The following PLXND1 variants were observed in gnomAD, a reference collection of about 807,000 sequenced individuals.
PLXND1 encodes the protein plexin D1, also known as plexin-D1.
In PLXND1, 54 loss-of-function variants were observed where a neutral mutation model predicts 197.7. The ratio of observed to expected loss-of-function variants is 0.27; its 90% CI spans 0.22 to 0.34. The LOEUF is 0.34. Among genes scored for constraint, PLXND1 ranks in the 10% least tolerant of loss-of-function variants. The pLI is 1.00. For missense variants in PLXND1, 2,127 were observed against 2,699.2 expected (o/e 0.79, Z 4.70); for synonymous variants, 1,180 against 1,161.2 (o/e 1.02, Z -0.33).
At chr3:129,575,621 G>T in intron 10 of PLXND1, 59 bp from the exon 11 acceptor site, 1 of 1,352,580 alleles carries the variant, frequency 7.4e-7, no homozygotes, top group Non-Finnish European at 1.0e-6. Flanking sequence ...CTCTGCTGGG[G>T]ATGGGTGTCA....
chr3:129,589,515 G>T lies in PLXND1; in HGVS notation c.1324C>A (p.Gln442Lys). The stretch of plus-strand genomic sequence containing the variant: ...AGGTGAGCAGCTCCACAGTCCAGCT[G>T]CTCTGGCTGGAGCTGGAAGAGGAAC... ...RKLNIQLQPE[Q>K]LDCGAAHLQH... is the part of the protein sequence containing the mutation. The change falls in exon 2 of 36, where the codon CAG (glutamine) becomes AAG (lysine). Residue 442 changes from glutamine (Q) to lysine (K), a missense_variant. By Grantham distance (53) the Gln-to-Lys change is moderately conservative. This residue lies in a region of PLXND1 where 1,095 missense variants were observed against 1,259.8 expected (regional missense o/e 0.87). Coordinates refer to ENST00000324093, the MANE Select transcript of PLXND1 (RefSeq NM_015103.3). The T allele has an allele frequency of 6.3e-7, 1 of 1,588,060 alleles. No homozygotes were observed. Among genetic ancestry groups the T allele is most frequent in the South Asian group, 1.1e-5 (1 of 87,768 alleles).
intron 10 of PLXND1, 38 bp from the exon 11 acceptor site, chr3:129,575,600 A>G: frequency 6.9e-7 from 1 of 1,447,518 alleles, no homozygotes; most frequent in Non-Finnish European, 9.5e-7. Flanking sequence ...GGGCATGGGC[A>G]ATGCCTGGGG....
chr3:129,591,094 C>T (rs1488642088), intron 1 of PLXND1, among the ~76,000 whole-genome samples: 1 of 152,168 alleles, frequency 6.6e-6, no homozygotes, highest in Non-Finnish European at 1.5e-5. Context: ...ACAGTTACGG[C>T]CGGATGGGCT....
chr3:129,558,203 A>T lies in PLXND1; in HGVS notation c.5445+225T>A, dbSNP rs1244092344. ...TGCCAGGCACAGCTGCAGCATGTGC[A>T]GTTGGTCTGCAGCGATACAGAGTTT... On this transcript the variant is annotated intron_variant, in intron 33 of 35. Transcript: ENST00000324093. The surrounding 1 kb of genome is among the most constrained non-coding windows in gnomAD (Gnocchi z 4.1). 1.3e-5 allele frequency among the ~76,000 whole-genome samples: 2 copies of T among 152,222 alleles called. No homozygotes were observed. The highest frequency in any genetic ancestry group is 4.8e-5 in the African/African-American group (2 of 41,468).
In PLXND1 at chr3:129,570,982, GCCCA is replaced by G. The variant is rs1421212507; in HGVS notation, c.3601-51_3601-48del. ...ATGCTCATGGGGAAGTGCTCCCGAG[GCCCA>G]CAGCTGAGGCTGGCTCGCTTGCCCC... On this transcript the variant is annotated intron_variant, in intron 18 of 35. Coordinates refer to ENST00000324093, the MANE Select transcript of PLXND1 (RefSeq NM_015103.3). 9 of 1,613,456 alleles carry G rather than the reference GCCCA, an allele frequency of 5.6e-6. No individual in the cohort carries two copies. The African/African-American group carries it at 1.1e-4, about 19-fold the overall frequency.
rs1301437075 is a variant in PLXND1 at position 129,605,776 on chromosome 3, G to A, written c.864C>T (p.Asp288=). Residue 288 remains aspartate, a synonymous_variant, in exon 1 of 36, where the codon GAC becomes GAT. Transcript: ENST00000324093. The part of the protein sequence containing the change: ...GFVSAFLHPS[D]PPPGAQSYAY... ...CGTAGGACTGTGCACCCGGCGGCGG[G>A]TCGGACGGGTGCAGGAAGGCGCTCA... The A allele has an allele frequency of 1.3e-6, 2 of 1,577,774 alleles. No homozygotes were observed. Among genetic ancestry groups the A allele is most frequent in the East Asian group, 2.4e-5 (1 of 42,480 alleles).
chr3:129,605,183 T>C, intron 1 of PLXND1, 146 bp downstream of exon 1: 1 of 386,810 alleles, frequency 2.6e-6, no homozygotes, highest in Non-Finnish European at 4.3e-6. Flanking sequence ...TATTCTCGCG[T>C]GCACACCTGG....
intron 7 of PLXND1, 47 bp from the exon 8 acceptor site, chr3:129,583,716 C>T: frequency 7.9e-7 from 1 of 1,273,820 alleles, no homozygotes; most frequent in Non-Finnish European, 1.1e-6. Context: ...CACCCCTCAA[C>T]TCATCCCTGT....
At chr3:129,598,183 T>C (rs990784153) in intron 1 of PLXND1, among the ~76,000 whole-genome samples, 6 of 152,130 alleles carry the variant, frequency 3.9e-5, no homozygotes, top group Non-Finnish European at 7.4e-5. Context: ...CATTCCAACA[T>C]CTCTGAGCCT....
At position 129,557,064 on chromosome 3, in the gene PLXND1, C is replaced by G; in HGVS notation, c.5586+19G>C. 3 of 1,612,632 alleles carry G rather than the reference C, an allele frequency of 1.9e-6. No homozygotes were observed. The highest frequency in any genetic ancestry group is 2.7e-5 in the African/African-American group (2 of 75,034). ...CTCAGCTCTTCAGGCCCCCATCCCC[C>G]GCCGCCGAGCCACCGCACCCTCGAC... On this transcript the variant is annotated intron_variant, in intron 34 of 35. Coordinates refer to ENST00000324093, the MANE Select transcript of PLXND1 (RefSeq NM_015103.3). This position sits in a 1 kb window ranked among gnomAD's most constrained non-coding sequence, Gnocchi z 4.8.
chr3:129,587,146 C>T (rs2085473737), intron 2 of PLXND1, among the ~76,000 whole-genome samples: 1 of 152,200 alleles, frequency 6.6e-6, no homozygotes, highest in Admixed American at 6.5e-5. Context: ...GGGCCATGAG[C>T]ATTAAATAAG....
intron 24 of PLXND1, 37 bp from the exon 25 acceptor site, chr3:129,565,575 G>A (rs762623458): frequency 4.5e-6 from 7 of 1,556,166 alleles, no homozygotes; most frequent in Non-Finnish European, 6.2e-6. Flanking sequence ...GCACCTTGAG[G>A]CCCTAGGAGC....
chr3:129,585,996 T>C lies in PLXND1; in HGVS notation c.1807A>G (p.Met603Val), dbSNP rs756842970. The change falls in exon 5 of 36, where the codon ATG (methionine) becomes GTG (valine). Residue 603 changes from methionine (M) to valine (V), a missense_variant. Physicochemically the swap from Met to Val is conservative, Grantham distance 21. Transcript: ENST00000324093. ...TCGATCTCGGAAGGCAGGACGGTCA[T>C]GGCAGGACAGCGGCTGGGGCCCTCG... ...ASEGPSRCPAMTVLPSEIDVR... is the reference protein window; with the variant it reads ...ASEGPSRCPAVTVLPSEIDVR... 8 of 1,614,050 alleles carry C rather than the reference T, an allele frequency of 5.0e-6. No homozygotes were observed. The highest frequency in any genetic ancestry group is 1.3e-5 in the African/African-American group (1 of 75,054).
chr3:129,591,856 C>G lies in PLXND1; in HGVS notation c.1312-2329G>C, dbSNP rs184983794. ...CTGCTAACACAGCTGCCAAATGAGC[C>G]CTTTAAAAATGTAAAGCAGGTCTCC... On this transcript the variant is annotated intron_variant, in intron 1 of 35. Transcript: ENST00000324093. Among the ~76,000 whole-genome samples the G allele has an allele frequency of 2.7e-3, 408 of 152,262 alleles. 1 individual carries two copies. The highest frequency in any genetic ancestry group is 6.8e-3 in the Middle Eastern group (2 of 294).
At chr3:129,578,025 G>A (rs540506338) in intron 9 of PLXND1, among the ~76,000 whole-genome samples, 18 of 152,308 alleles carry the variant, frequency 1.2e-4, no homozygotes, top group African/African-American at 4.3e-4. Context: ...TCCACCCTCC[G>A]GCTGTGGCAC....
chr3:129,578,693 GC>G, intron 8 of PLXND1: 1 of 487,426 alleles, frequency 2.1e-6, no homozygotes, highest in Non-Finnish European at 3.6e-6. Flanking sequence ...CAGTGGTGGG[GC>G]CAATTTCCTC....
chr3:129,606,424 G>T lies in PLXND1; in HGVS notation c.216C>A (p.Tyr72Ter). 1 of 1,480,206 alleles carries T rather than the reference G, an allele frequency of 6.8e-7. No homozygotes were observed. 91.7% of individuals were successfully genotyped at this position (1,480,206 alleles called of 1,614,324 possible). Residue 72 changes from tyrosine to a stop codon, truncating the protein, a stop_gained, in exon 1 of 36, where the codon TAC becomes TAA. Transcript: ENST00000324093. LOFTEE classifies it high-confidence loss of function. Reference protein sequence around the residue: ...FALDGAAGTVYLAAVNRLYQL... With the variant: ...FALDGAAGTV ...GATAGAGGCGGTTGACGGCCGCCAG[G>T]TACACGGTCCCCGCCGCGCCGTCCA...
At chr3:129,565,617 C>T (rs1578313114) in intron 24 of PLXND1, 79 bp from the exon 25 acceptor site, 6 of 1,285,402 alleles carry the variant, frequency 4.7e-6, no homozygotes, top group African/African-American at 4.4e-5. Context: ...GCCGCCTCAT[C>T]CCCGGGCCCA....
At position 129,560,357 on chromosome 3, in the gene PLXND1, G is replaced by C. The variant is rs557479575; in HGVS notation, c.5106C>G (p.Ile1702Met). 1 of 1,613,604 alleles carries C rather than the reference G, an allele frequency of 6.2e-7. No homozygotes were observed. ...TGGTGGAGAGCAGGCGGGTCAGGTAGATTTCCGGGAGCACCTTCTTGCGAT... is the reference window on the plus strand; with the variant it reads ...TGGTGGAGAGCAGGCGGGTCAGGTACATTTCCGGGAGCACCTTCTTGCGAT... Reference protein sequence around the residue: ...QSHRKKVLPEIYLTRLLSTKG... With the variant: ...QSHRKKVLPEMYLTRLLSTKG... Residue 1702 changes from isoleucine to methionine, a missense_variant, in exon 31 of 36, where the codon ATC becomes ATG. Physicochemically the swap from Ile to Met is conservative, Grantham distance 10. Around this residue, in one of 6 missense-constraint regions of PLXND1, gnomAD observed 200 missense variants for 303.3 expected, o/e 0.66. Transcript: ENST00000324093.
Sources: allele counts gnomAD v4.1 joint callset (sites outside exome capture counted in the v4.1 genomes callset), GRCh38; gene constraint gnomAD v4.1.1; regional missense constraint gnomAD v4.1.1; non-coding constraint Gnocchi (gnomAD v3.1); transcripts MANE v1.5; gene names NCBI Gene and HGNC (gene_info 2026-07-23, HGNC 2026-07-21).